PAPPA: variants seen among roughly 807,000 people sequenced by gnomAD.
PAPPA encodes pappalysin 1.
Under a neutral mutation model 164.0 loss-of-function variants are expected in PAPPA, and 60 were observed. That is an observed-to-expected ratio of 0.37 (90% CI 0.30 to 0.45). The LOEUF (loss-of-function observed/expected upper bound fraction) is 0.45. Ranked by LOEUF, PAPPA falls within the 20% of genes least tolerant of loss-of-function variation. The pLI, the probability that PAPPA is intolerant of heterozygous loss-of-function variation, is 1.00. For missense variants in PAPPA, 1,782 were observed against 2,087.3 expected, an observed-to-expected ratio of 0.85 and a Z score of 2.85; for synonymous variants, 875 against 814.1, an observed-to-expected ratio of 1.07 and a Z score of -1.27.
At chr9:116,378,832 C>A (rs946067756) in intron 20 of PAPPA, among the ~76,000 whole-genome samples, 5 of 152,196 alleles carry the variant, frequency 3.3e-5, no homozygotes, top group Non-Finnish European at 7.3e-5. Flanking sequence ...GCCTATGATC[C>A]ATTCCCTGAT....
At chr9:116,201,315 G>A (rs1411005230) in intron 2 of PAPPA, among the ~76,000 whole-genome samples, 1 of 152,190 alleles carries the variant, frequency 6.6e-6, no homozygotes, top group African/African-American at 2.4e-5. Flanking sequence ...AAATGGTCTG[G>A]TGTGTTCTGA....
At chr9:116,206,138 T>C (rs1057135030) in intron 2 of PAPPA, among the ~76,000 whole-genome samples, 1 of 152,206 alleles carries the variant, frequency 6.6e-6, no homozygotes, top group African/African-American at 2.4e-5. Flanking sequence ...AGAGAAGGGC[T>C]CAGCAGCGAG....
chr9:116,285,006 C>A (rs529331455), intron 9 of PAPPA, among the ~76,000 whole-genome samples: 26 of 152,116 alleles, frequency 1.7e-4, no homozygotes, highest in African/African-American at 6.0e-4. Flanking sequence ...AGTGCAGACA[C>A]CTTTTGTTGC....
chr9:116,216,865 C>T (rs1844379169), intron 4 of PAPPA, among the ~76,000 whole-genome samples: 1 of 152,114 alleles, frequency 6.6e-6, no homozygotes, highest in Admixed American at 6.5e-5. Flanking sequence ...CCTCAGCCTC[C>T]TGAGTAGCTG....
Position 116,251,953 on chromosome 9 carries a change from A to G in PAPPA, c.2733-13904A>G, listed in dbSNP as rs114670663. ...GGATTCGAAGCTCTGGATCTTTTAT[A>G]ATTTCCACATTGTCCCTCCATTCTT... On this transcript the variant is annotated intron_variant, in intron 7 of 21. Transcript: ENST00000328252. Among the ~76,000 whole-genome samples the G allele has an allele frequency of 9.5e-3, 1,451 of 152,306 alleles. 25 individuals are homozygous for G. Among genetic ancestry groups the G allele is most frequent in the African/African-American group, 0.033 (1,377 of 41,574 alleles).
intron 1 of PAPPA, among the ~76,000 whole-genome samples, chr9:116,178,253 C>T (rs1421357006): frequency 1.3e-5 from 2 of 152,024 alleles, no homozygotes; most frequent in Non-Finnish European, 2.9e-5. Context: ...ATTACAGGCA[C>T]ACATCACCAT....
chr9:116,320,176 A>G (rs542062523), intron 10 of PAPPA, among the ~76,000 whole-genome samples: 1 of 152,334 alleles, frequency 6.6e-6, no homozygotes, highest in East Asian at 1.9e-4. Context: ...TTTCCATTGA[A>G]AGCCTGGCTT....
intron 1 of PAPPA, among the ~76,000 whole-genome samples, chr9:116,156,158 T>G (rs1843599139): frequency 6.6e-6 from 1 of 150,846 alleles, no homozygotes; most frequent in South Asian, 2.1e-4. Context: ...AGTCTTTACC[T>G]AGTACCAGTG....
intron 7 of PAPPA, among the ~76,000 whole-genome samples, chr9:116,239,894 T>C (rs555054748): frequency 6.6e-6 from 1 of 152,202 alleles, no homozygotes; most frequent in East Asian, 1.9e-4. Flanking sequence ...AATCAGTCCC[T>C]GTGGCCCACC....
At chr9:116,195,235 T>G (rs1844089847) in intron 2 of PAPPA, among the ~76,000 whole-genome samples, 1 of 152,166 alleles carries the variant, frequency 6.6e-6, no homozygotes, top group Admixed American at 6.5e-5. Flanking sequence ...CAGTCTGGGT[T>G]TTCTTCATGC....
chr9:116,359,596 G>T (rs1588019512), intron 17 of PAPPA, among the ~76,000 whole-genome samples: 2 of 152,290 alleles, frequency 1.3e-5, no homozygotes, highest in South Asian at 2.1e-4. Flanking sequence ...AGCAATAATT[G>T]ACTATGAATT....
chr9:116,229,273 A>T (rs1413256596), intron 6 of PAPPA, among the ~76,000 whole-genome samples: 1 of 152,106 alleles, frequency 6.6e-6, no homozygotes, highest in Non-Finnish European at 1.5e-5. Context: ...GTTCCTGGAG[A>T]CGTTTATAGG....
intron 10 of PAPPA, among the ~76,000 whole-genome samples, chr9:116,311,760 C>A (rs754823584): frequency 2.0e-5 from 3 of 152,152 alleles, no homozygotes; most frequent in Admixed American, 6.6e-5. Context: ...CTACGTCTTG[C>A]GAGGCATCTA....
intron 5 of PAPPA, among the ~76,000 whole-genome samples, chr9:116,223,873 T>G (rs753198534): frequency 2.6e-5 from 4 of 152,212 alleles, no homozygotes; most frequent in African/African-American, 4.8e-5. Flanking sequence ...CCTCTGGGCC[T>G]TCTTCCATCA....
chr9:116,315,437 G>T (rs1389962328), intron 10 of PAPPA, among the ~76,000 whole-genome samples: 1 of 152,178 alleles, frequency 6.6e-6, no homozygotes, highest in Non-Finnish European at 1.5e-5. Flanking sequence ...ACAGGGCCTG[G>T]CATATAGAAT....
chr9:116,330,949 C>A (rs1324496874), intron 10 of PAPPA, among the ~76,000 whole-genome samples: 1 of 152,136 alleles, frequency 6.6e-6, no homozygotes, highest in Non-Finnish European at 1.5e-5. Context: ...TTATCACTGC[C>A]CTACTCTTCC....
At chr9:116,315,785 T>A (rs1845780644) in intron 10 of PAPPA, among the ~76,000 whole-genome samples, 1 of 151,658 alleles carries the variant, frequency 6.6e-6, no homozygotes. Flanking sequence ...GAATATAGAA[T>A]GAAGAGACAG....
intron 9 of PAPPA, chr9:116,285,766 C>G (rs187046097): frequency 3.9e-5 from 6 of 152,240 alleles, no homozygotes; most frequent in Non-Finnish European, 8.8e-5. Flanking sequence ...AAGAGTTAGT[C>G]CAGGGACTGA....
intron 2 of PAPPA, among the ~76,000 whole-genome samples, chr9:116,191,236 C>A (rs1009624608): frequency 6.6e-6 from 1 of 152,174 alleles, no homozygotes; most frequent in Non-Finnish European, 1.5e-5. Context: ...ATGATATCAT[C>A]TCCAGTCAGA....
Sources: allele counts gnomAD v4.1 joint callset (sites outside exome capture counted in the v4.1 genomes callset), GRCh38; gene constraint gnomAD v4.1.1; transcripts MANE v1.5; gene names NCBI Gene and HGNC (gene_info 2026-07-23, HGNC 2026-07-21).